KIFC3: variants seen among roughly 807,000 people sequenced by gnomAD.
KIFC3 encodes kinesin-like protein KIFC3.
In KIFC3, 60 loss-of-function variants were observed where a neutral mutation model predicts 101.8. The ratio of observed to expected loss-of-function variants is 0.59; its 90% confidence interval spans 0.48 to 0.73. The LOEUF (loss-of-function observed/expected upper bound fraction) is 0.73, where lower values mean the gene tolerates loss of function less well. Ranked by LOEUF, KIFC3 falls within the 30% of genes least tolerant of loss-of-function variation. The pLI is 0.00. For synonymous variants in KIFC3, 476 were observed against 482.7 expected, an observed-to-expected ratio of 0.99 and a Z score of 0.18; for missense variants, 966 against 1,137.1, an observed-to-expected ratio of 0.85 and a Z score of 2.16.
chr16:57,848,049 G>A (rs2055972263), intron 1 of KIFC3, among the ~76,000 whole-genome samples: 1 of 152,326 alleles, frequency 6.6e-6, no homozygotes. Flanking sequence ...GCCTTCTAAA[G>A]TACTGGCATT....
At chr16:57,774,890 G>T in intron 3 of KIFC3, 1 of 1,420,222 alleles carries the variant, frequency 7.0e-7, no homozygotes, top group Non-Finnish European at 9.2e-7. Context: ...TAAGTGAACT[G>T]ACTTCCTCTT....
chr16:57,797,983 C>T (rs960296722), intron 2 of KIFC3, 89 bp downstream of exon 2: 8 of 1,546,996 alleles, frequency 5.2e-6, no homozygotes, highest in Non-Finnish European at 7.0e-6. Context: ...TCTGACTGGG[C>T]TTAGGAACCG....
At chr16:57,796,183 G>A (rs1310083852) in intron 2 of KIFC3, among the ~76,000 whole-genome samples, 3 of 152,142 alleles carry the variant, frequency 2.0e-5, no homozygotes, top group Admixed American at 1.3e-4. Context: ...GTGAGCCACA[G>A]CACCCAGCCT....
chr16:57,794,884 A>C, intron 3 of KIFC3, 115 bp downstream of exon 3: 1 of 930,840 alleles, frequency 1.1e-6, no homozygotes, highest in Non-Finnish European at 1.5e-6. Flanking sequence ...GAGAGGTGCG[A>C]GGTGGGTCCC....
In KIFC3 at chr16:57,766,982, C is replaced by T; in HGVS notation, c.1222G>A (p.Gly408Ser). ...EALRSVKAEIGQAIEEVNSNN... is the reference protein window; with the variant it reads ...EALRSVKAEISQAIEEVNSNN... Reference sequence around the variant, plus strand: ...CTGTTGACCTCCTCGATGGCCTGGCCTATCTGGTGGGGGGTGCACACCACT... The same window carrying T: ...CTGTTGACCTCCTCGATGGCCTGGCTTATCTGGTGGGGGGTGCACACCACT... Residue 408 changes from glycine (G) to serine (S), a missense_variant, in exon 10 of 20, where the codon GGC becomes AGC. By Grantham distance (56) the Gly-to-Ser change is moderately conservative. Transcript: ENST00000445690. The T allele has an allele frequency of 6.2e-7, 1 of 1,612,744 alleles. No homozygotes were observed. The highest frequency in any genetic ancestry group is 8.5e-7 in the Non-Finnish European group (1 of 1,179,692).
intron 3 of KIFC3, chr16:57,776,886 C>T (rs2052164443): frequency 6.6e-6 from 1 of 152,118 alleles, no homozygotes; most frequent in Non-Finnish European, 1.5e-5. Context: ...GCCACATCTT[C>T]CAATATTTTA....
chr16:57,833,866 CTTTTTTT>C (rs201843937), intron 1 of KIFC3, among the ~76,000 whole-genome samples: 2 of 111,296 alleles, frequency 1.8e-5, no homozygotes, highest in Non-Finnish European at 3.4e-5. Flanking sequence ...AATGCAGTTG[CTTTTTTT>C]TTTTTTTTTT....
intron 1 of KIFC3, chr16:57,798,633 G>A (rs556560873): frequency 1.1e-5 from 4 of 375,616 alleles, no homozygotes; most frequent in Non-Finnish European, 1.9e-5. Context: ...CAGCATCTCC[G>A]TAAGTCTAAT....
intron 1 of KIFC3, among the ~76,000 whole-genome samples, chr16:57,861,186 T>G (rs780189695): frequency 2.5e-4 from 38 of 152,238 alleles, no homozygotes; most frequent in Non-Finnish European, 4.6e-4. Flanking sequence ...AAGCAAAACC[T>G]ATTCTTAAAC....
chr16:57,773,745 T>C (rs2051614295), intron 3 of KIFC3: 1 of 152,170 alleles, frequency 6.6e-6, no homozygotes. Context: ...ATTTGGATTT[T>C]GGGGGTGTGT....
intron 3 of KIFC3, chr16:57,775,510 G>T (rs536371932): frequency 1.0e-6 from 1 of 987,830 alleles, no homozygotes; most frequent in Admixed American, 6.1e-5. Context: ...AAACAGGCAA[G>T]AAGTCAGAGA....
At chr16:57,854,234 GCCCA>G (rs1454796710) in intron 1 of KIFC3, among the ~76,000 whole-genome samples, 1 of 152,158 alleles carries the variant, frequency 6.6e-6, no homozygotes, top group Non-Finnish European at 1.5e-5. Context: ...GAGCCACCAT[GCCCA>G]GCTGGAAATT....
chr16:57,799,358 T>C (rs1488006017), intron 1 of KIFC3, among the ~76,000 whole-genome samples: 1 of 152,168 alleles, frequency 6.6e-6, no homozygotes, highest in African/African-American at 2.4e-5. Context: ...TGGGGGTAAC[T>C]GAAGGACTTC....
At position 57,758,876 on chromosome 16, in the gene KIFC3, C is replaced by T. The variant is rs782605909; in HGVS notation, c.*58G>A. The T allele has an allele frequency of 5.0e-6, 8 of 1,599,616 alleles. No homozygotes were observed. The South Asian group carries it at 6.7e-5, about 13-fold the overall frequency. ...GGCCCAGCTTCAGGCCCAGCGGGGTCACATCCGTCACACAGGCAGTGGCCG... is the reference window on the plus strand; with the variant it reads ...GGCCCAGCTTCAGGCCCAGCGGGGTTACATCCGTCACACAGGCAGTGGCCG... On this transcript the variant is annotated 3_prime_UTR_variant, in exon 20 of 20. Coordinates refer to ENST00000445690, the MANE Select transcript of KIFC3 (RefSeq NM_001130100.2).
chr16:57,833,207 A>AATAT (rs148991422), intron 1 of KIFC3, among the ~76,000 whole-genome samples: 99 of 149,608 alleles, frequency 6.6e-4, no homozygotes, highest in African/African-American at 1.9e-3. Flanking sequence ...CTCTGTCTCA[A>AATAT]ATATATATAT....
At chr16:57,795,179 CA>C (rs781894246) in intron 2 of KIFC3, 38 bp from the exon 3 acceptor site, 39 of 1,597,368 alleles carry the variant, frequency 2.4e-5, no homozygotes, top group Non-Finnish European at 3.2e-5. Flanking sequence ...ACACTCCGAC[CA>C]CTGGCCAAAG....
intron 9 of KIFC3, among the ~76,000 whole-genome samples, chr16:57,768,670 G>A (rs189482498): frequency 4.6e-5 from 7 of 152,234 alleles, no homozygotes; most frequent in Admixed American, 1.3e-4. Flanking sequence ...TTTTCACCAC[G>A]TCCATGTATT....
intron 1 of KIFC3, among the ~76,000 whole-genome samples, chr16:57,815,186 C>T (rs2055192132): frequency 1.3e-5 from 2 of 152,144 alleles, no homozygotes; most frequent in Non-Finnish European, 2.9e-5. Flanking sequence ...CCTGTCTCTA[C>T]CCACAGAAAC....
intron 1 of KIFC3, chr16:57,798,505 T>C (rs1465463681): frequency 1.7e-6 from 1 of 585,632 alleles, no homozygotes; most frequent in African/African-American, 1.9e-5. Flanking sequence ...GGCTCCGAAG[T>C]GCGAAAGTTG....
Sources: gnomAD v4.1 joint callset for allele counts (sites outside exome capture counted in the v4.1 genomes callset) on GRCh38, gnomAD v4.1.1 for gene constraint, MANE v1.5 for transcripts, NCBI Gene and HGNC (gene_info 2026-07-23, HGNC 2026-07-21) for gene names.